The following BMPR1A variants were observed in gnomAD, a reference collection of about 807,000 sequenced individuals.
BMPR1A encodes bone morphogenetic protein receptor type 1A, also known as bone morphogenetic protein receptor type-1A.
Under a neutral mutation model 66.0 loss-of-function variants are expected in BMPR1A, and 7 were observed. That is an observed-to-expected ratio of 0.11 (90% CI 0.06 to 0.20). BMPR1A has a LOEUF of 0.20. Among genes scored for constraint, BMPR1A ranks in the 10% least tolerant of loss-of-function variants. The pLI is 1.00. For missense variants in BMPR1A, 408 were observed against 669.1 expected (o/e 0.61, Z 4.31); for synonymous variants, 200 against 229.7 (o/e 0.87, Z 1.17).
chr10:86,912,487 C>A, intron 8 of BMPR1A, 103 bp downstream of exon 8: 1 of 1,424,634 alleles, frequency 7.0e-7, no homozygotes, highest in Non-Finnish European at 9.9e-7. Context: ...CAATAATGGA[C>A]ACATTTTTTT....
chr10:86,800,681 C>T (rs1436041220), intron 1 of BMPR1A, among the ~76,000 whole-genome samples: 2 of 152,222 alleles, frequency 1.3e-5, no homozygotes, highest in East Asian at 1.9e-4. Flanking sequence ...GCATGAGCCA[C>T]CACACCTGGC....
intron 1 of BMPR1A, among the ~76,000 whole-genome samples, chr10:86,766,286 G>T (rs932724072): frequency 1.3e-5 from 2 of 151,972 alleles, no homozygotes; most frequent in African/African-American, 4.8e-5. Flanking sequence ...GGTGTTGTGC[G>T]CAGCCTTAAT....
chr10:86,890,329 T>C lies in BMPR1A; in HGVS notation c.230+105T>C, dbSNP rs969554048. On this transcript the variant is annotated intron_variant, in intron 4 of 12. Coordinates refer to ENST00000372037, the MANE Select transcript of BMPR1A (RefSeq NM_004329.3). The stretch of plus-strand genomic sequence containing the variant: ...GTCTGCGGTTTTTTTTTCATTCATA[T>C]ATAGTATCTTTCCAGAAAGCCAAAA... 61 of 1,393,534 alleles carry C rather than the reference T, an allele frequency of 4.4e-5. No individual in the cohort carries two copies. The Middle Eastern group carries it at 2.0e-3, about 45-fold the overall frequency. The allele number at this position is 1,393,534 out of a possible 1,614,324, so 86.3% of individuals were successfully genotyped here. A position where few individuals can be genotyped will look rare whatever the true frequency, so the allele number is the denominator to read the frequency against.
At chr10:86,842,866 A>G (rs536894385) in intron 2 of BMPR1A, among the ~76,000 whole-genome samples, 1 of 151,910 alleles carries the variant, frequency 6.6e-6, no homozygotes. Context: ...CGTATTCACT[A>G]CCAAGAGAAC....
intron 1 of BMPR1A, among the ~76,000 whole-genome samples, chr10:86,831,900 A>G (rs1483266266): frequency 6.6e-6 from 1 of 152,172 alleles, no homozygotes; most frequent in African/African-American, 2.4e-5. Flanking sequence ...ATTACCTCCT[A>G]TAGGCCAGGC....
chr10:86,913,538 C>T (rs1225861288), intron 8 of BMPR1A, among the ~76,000 whole-genome samples: 1 of 152,000 alleles, frequency 6.6e-6, no homozygotes, highest in Non-Finnish European at 1.5e-5. Context: ...TAGAAAATCC[C>T]AAGAATGGTA....
chr10:86,866,033 T>C lies in BMPR1A; in HGVS notation c.-152-9834T>C, dbSNP rs372119309. Among the ~76,000 whole-genome samples, 16 of 150,330 alleles carry C rather than the reference T, an allele frequency of 1.1e-4. No homozygotes were observed. In the East Asian group the frequency reaches 1.4e-3, roughly 13 times the overall value. ...ATTGCTGCTGCCAATTGAATGCCAG[T>C]GGCATTCAGGCAACTGACAGGAACA... On this transcript the variant is annotated intron_variant, in intron 2 of 12. Transcript: ENST00000372037.
chr10:86,846,650 A>G (rs1842488116), intron 2 of BMPR1A, among the ~76,000 whole-genome samples: 1 of 152,086 alleles, frequency 6.6e-6, no homozygotes, highest in Admixed American at 6.6e-5. Flanking sequence ...GCAGTGAGCC[A>G]AGATTGCGCC....
intron 2 of BMPR1A, among the ~76,000 whole-genome samples, chr10:86,839,640 G>A (rs1388468876): frequency 1.4e-5 from 2 of 145,222 alleles, no homozygotes; most frequent in African/African-American, 2.5e-5. Flanking sequence ...GAATGTTTAT[G>A]TTATTCTGAA....
chr10:86,811,992 G>A (rs1301850830), intron 1 of BMPR1A, among the ~76,000 whole-genome samples: 1 of 151,336 alleles, frequency 6.6e-6, no homozygotes, highest in East Asian at 1.9e-4. Flanking sequence ...GAGATGAGAG[G>A]ATTGTTTGAG....
chr10:86,760,231 TCTTTCTTTC>T (rs1841024554), intron 1 of BMPR1A, among the ~76,000 whole-genome samples: 2 of 106,410 alleles, frequency 1.9e-5, no homozygotes, highest in African/African-American at 3.5e-5. Context: ...GTTTTTTCTT[TCTTTCTTTC>T]TTTCTTTCTT....
intron 2 of BMPR1A, among the ~76,000 whole-genome samples, chr10:86,847,750 A>T (rs1204531649): frequency 6.6e-6 from 1 of 151,770 alleles, no homozygotes; most frequent in Admixed American, 6.6e-5. Flanking sequence ...AATTTTAAAC[A>T]CTATGCACCA....
chr10:86,882,385 T>A (rs985817856), intron 3 of BMPR1A, among the ~76,000 whole-genome samples: 3 of 151,964 alleles, frequency 2.0e-5, no homozygotes, highest in Admixed American at 2.0e-4. Context: ...ATTGGGCCAC[T>A]GAACTCCAGC....
Position 86,756,785 on chromosome 10 carries a change from CGATCGAGG to C in BMPR1A, c.-400_-393del, listed in dbSNP as rs1847875065. On this transcript the variant is annotated 5_prime_UTR_variant, in exon 1 of 13. Coordinates refer to ENST00000372037, the MANE Select transcript of BMPR1A (RefSeq NM_004329.3). ...CGCGCGCGGCGAAGATCGCACGGCC[CGATCGAGG>C]GGCGACCGGGTCGGGGCCGCTGCAC... 6.6e-6 allele frequency: 1 copy of C among 151,242 alleles called. No homozygotes were observed. Among genetic ancestry groups the C allele is most frequent in the Non-Finnish European group, 1.5e-5 (1 of 67,732 alleles). The allele number at this position is 151,242 out of a possible 1,614,324, so 9.4% of individuals were successfully genotyped here. A position where few individuals can be genotyped will look rare whatever the true frequency, so the allele number is the denominator to read the frequency against.
intron 10 of BMPR1A, among the ~76,000 whole-genome samples, chr10:86,919,965 G>A (rs931090775): frequency 1.3e-5 from 2 of 152,064 alleles, no homozygotes; most frequent in African/African-American, 4.8e-5. Flanking sequence ...AAAGTGCTGG[G>A]ATTACAGGTG....
At chr10:86,813,098 T>C (rs1841992307) in intron 1 of BMPR1A, among the ~76,000 whole-genome samples, 1 of 152,248 alleles carries the variant, frequency 6.6e-6, no homozygotes. Flanking sequence ...CTATCTTCTC[T>C]GAAGGTGATT....
At chr10:86,930,695 C>G (rs191190978), downstream of BMPR1A, 2 of 152,304 alleles carry the variant, frequency 1.3e-5, no homozygotes, top group African/African-American at 4.8e-5. Flanking sequence ...AATTCCATAT[C>G]TCTCAATGTC....
intron 1 of BMPR1A, among the ~76,000 whole-genome samples, chr10:86,769,932 G>A (rs373031659): frequency 2.0e-5 from 3 of 152,178 alleles, no homozygotes; most frequent in East Asian, 1.9e-4. Flanking sequence ...TAATGCAGAT[G>A]TAACCAGGCA....
intron 7 of BMPR1A, among the ~76,000 whole-genome samples, chr10:86,909,081 G>T (rs1843438948): frequency 6.6e-6 from 1 of 152,186 alleles, no homozygotes; most frequent in South Asian, 2.1e-4. Context: ...CGAGGGCCTT[G>T]TGTAGATAGA....
Sources: gnomAD v4.1 joint callset for allele counts (sites outside exome capture counted in the v4.1 genomes callset) on GRCh38, gnomAD v4.1.1 for gene constraint, MANE v1.5 for transcripts, NCBI Gene and HGNC (gene_info 2026-07-23, HGNC 2026-07-21) for gene names.